The following SNX13 variants were observed in gnomAD, a reference collection of about 807,000 sequenced individuals.
SNX13 encodes the protein sorting nexin-13.
A neutral mutation model predicts 133.6 loss-of-function variants in SNX13; 45 were observed. The ratio of observed to expected loss-of-function variants is 0.34; its 90% CI spans 0.27 to 0.43. The LOEUF (loss-of-function observed/expected upper bound fraction) is 0.43, where lower values mean the gene tolerates loss of function less well. SNX13 is among the 20% of genes least tolerant of loss of function. SNX13 has a pLI of 1.00. For synonymous variants in SNX13, 414 were observed against 373.9 expected, an observed-to-expected ratio of 1.11 and a Z score of -1.24; for missense variants, 1,032 against 1,145.1, an observed-to-expected ratio of 0.90 and a Z score of 1.43.
At chr7:17,804,677 T>C (rs961947795) in intron 20 of SNX13, among the ~76,000 whole-genome samples, 3 of 140,432 alleles carry the variant, frequency 2.1e-5, no homozygotes, top group Non-Finnish European at 4.7e-5. Flanking sequence ...TTAACAGAAA[T>C]AAAGAAATCA....
chr7:17,816,066 T>C (rs1786621863), intron 19 of SNX13, 116 bp downstream of exon 19: 3 of 1,133,422 alleles, frequency 2.6e-6, no homozygotes, highest in South Asian at 3.5e-5. Flanking sequence ...ACAAAAGTGG[T>C]TGCTACCCTG....
At chr7:17,850,790 CA>C (rs3839705) in intron 10 of SNX13, 35 bp downstream of exon 10, 770,895 of 1,442,446 alleles carry the variant, frequency 0.53, 210,001 homozygotes, top group East Asian at 0.71. Flanking sequence ...AATAATACTT[CA>C]AAAAAATATA....
chr7:17,828,408 T>C (rs1309943150), intron 16 of SNX13, among the ~76,000 whole-genome samples: 1 of 151,660 alleles, frequency 6.6e-6, no homozygotes, highest in East Asian at 1.9e-4. Context: ...AGACAAAAAC[T>C]GAAAATTCAA....
chr7:17,815,070 T>C (rs979023942), intron 19 of SNX13, 126 bp from the exon 20 acceptor site: 5 of 1,045,802 alleles, frequency 4.8e-6, no homozygotes, highest in African/African-American at 1.7e-5. Flanking sequence ...ATTTATATTT[T>C]TAAAAACCCA....
intron 18 of SNX13, among the ~76,000 whole-genome samples, chr7:17,818,751 G>A (rs531475960): frequency 2.0e-5 from 3 of 151,988 alleles, no homozygotes; most frequent in South Asian, 4.2e-4. Context: ...TACAATCAAA[G>A]ATCTTACTTT....
At chr7:17,906,599 T>G (rs1045714093) in intron 1 of SNX13, among the ~76,000 whole-genome samples, 6 of 152,090 alleles carry the variant, frequency 3.9e-5, no homozygotes, top group Admixed American at 1.3e-4. Flanking sequence ...TAATCTGATA[T>G]GGCCAAAAGG....
chr7:17,849,489 A>T (rs1790946174), intron 11 of SNX13, among the ~76,000 whole-genome samples: 1 of 152,214 alleles, frequency 6.6e-6, no homozygotes, highest in Admixed American at 6.5e-5. Context: ...TAAAGATAAT[A>T]ATTTTAACTT....
chr7:17,851,320 C>G (rs1416822593), intron 9 of SNX13, among the ~76,000 whole-genome samples: 1 of 152,170 alleles, frequency 6.6e-6, no homozygotes, highest in African/African-American at 2.4e-5. Flanking sequence ...TTAGCTTTCA[C>G]TCTGAAGCAA....
intron 20 of SNX13, among the ~76,000 whole-genome samples, chr7:17,812,625 C>T (rs1786179836): frequency 6.6e-6 from 1 of 152,068 alleles, no homozygotes. Flanking sequence ...TACCATTTGA[C>T]CCAGTAATCT....
At chr7:17,795,873 A>C (rs550507596) in intron 25 of SNX13, 1 of 151,868 alleles carries the variant, frequency 6.6e-6, no homozygotes, top group East Asian at 1.9e-4. Flanking sequence ...TTTTATCAGC[A>C]AATGAAACGG....
At chr7:17,916,259 C>T (rs780094104) in intron 1 of SNX13, among the ~76,000 whole-genome samples, 4 of 151,950 alleles carry the variant, frequency 2.6e-5, no homozygotes, top group East Asian at 1.9e-4. Context: ...ACTCCAAAAA[C>T]GAGCAGAAGA....
chr7:17,910,698 T>C (rs1798870370), intron 1 of SNX13, among the ~76,000 whole-genome samples: 1 of 152,226 alleles, frequency 6.6e-6, no homozygotes, highest in Non-Finnish European at 1.5e-5. Flanking sequence ...TTGTGGTATC[T>C]ACCTATAATT....
intron 17 of SNX13, among the ~76,000 whole-genome samples, chr7:17,824,670 G>A (rs754687487): frequency 4.0e-5 from 6 of 151,790 alleles, no homozygotes; most frequent in Non-Finnish European, 7.4e-5. Context: ...TTAACTGGCA[G>A]AGCTGGGGTT....
intron 17 of SNX13, among the ~76,000 whole-genome samples, chr7:17,822,831 T>C (rs1787450564): frequency 6.6e-6 from 1 of 152,198 alleles, no homozygotes; most frequent in Admixed American, 6.5e-5. Flanking sequence ...ACTCTCTGGC[T>C]TGAGATCTTG....
intron 1 of SNX13, among the ~76,000 whole-genome samples, chr7:17,908,967 T>A (rs2691561): frequency 0.44 from 66,971 of 151,750 alleles, 15,211 homozygotes; most frequent in South Asian, 0.67. Flanking sequence ...AAGAACAGAA[T>A]AACTGATAAA....
chr7:17,802,102 A>G (rs1176920650), intron 21 of SNX13, among the ~76,000 whole-genome samples: 2 of 152,092 alleles, frequency 1.3e-5, no homozygotes, highest in African/African-American at 4.8e-5. Context: ...AAATGCCTAC[A>G]GTATTCAGTA....
intron 9 of SNX13, among the ~76,000 whole-genome samples, chr7:17,857,910 A>G (rs1167468000): frequency 6.6e-6 from 1 of 152,260 alleles, no homozygotes; most frequent in Non-Finnish European, 1.5e-5. Flanking sequence ...CATGATGTTA[A>G]CAGAATGAAG....
chr7:17,875,378 T>C (rs1263467721), intron 7 of SNX13, 102 bp downstream of exon 7: 4 of 804,450 alleles, frequency 5.0e-6, no homozygotes, highest in Non-Finnish European at 7.8e-6. Context: ...CTATGCTACC[T>C]GCCCTAAGTA....
At position 17,804,356 on chromosome 7, in the gene SNX13, A is replaced by G. The variant is rs188173397; in HGVS notation, c.2065-776T>C. 3.7e-3 allele frequency among the ~76,000 whole-genome samples: 559 copies of G among 152,282 alleles called. 5 individuals carry two copies. The highest frequency in any genetic ancestry group is 0.013 in the African/African-American group (532 of 41,568). ...AATAAACAGAAAACTGAAATAACTA[A>G]TAAGTATTTGATTTATTTTTTAAAA... On this transcript the variant is annotated intron_variant, in intron 20 of 25. Transcript: ENST00000428135.
Sources: allele counts gnomAD v4.1 joint callset (sites outside exome capture counted in the v4.1 genomes callset), GRCh38; gene constraint gnomAD v4.1.1; transcripts MANE v1.5; gene names NCBI Gene and HGNC (gene_info 2026-07-23, HGNC 2026-07-21).